Variants in NUP160 observed in about 807,000 individuals in gnomAD.
NUP160 encodes nucleoporin 160, also known as nuclear pore complex protein Nup160.
Under a neutral mutation model 196.9 loss-of-function variants are expected in NUP160, and 94 were observed. The observed-to-expected ratio is 0.48, with a 90% CI of 0.40 to 0.57. The LOEUF is 0.57. NUP160 is among the 20% of genes least tolerant of loss of function. The pLI, the probability that NUP160 is intolerant of heterozygous loss-of-function variation, is 0.00. For synonymous variants in NUP160, 605 were observed against 619.7 expected, an observed-to-expected ratio of 0.98 and a Z score of 0.35; for missense variants, 1,638 against 1,748.3, an observed-to-expected ratio of 0.94 and a Z score of 1.13.
At position 47,784,011 on chromosome 11, in the gene NUP160, A is replaced by AAAAAC. The variant is rs1195063364; in HGVS notation, c.3991-814_3991-813insGTTTT. 2.0e-5 allele frequency among the ~76,000 whole-genome samples: 3 copies of AAAAAC among 151,884 alleles called. No individual in the cohort carries two copies. The South Asian group carries it at 6.2e-4, about 32-fold the overall frequency. On this transcript the variant is annotated intron_variant, in intron 33 of 35. Coordinates refer to ENST00000378460, the Ensembl canonical transcript of NUP160. ...GCCCGGCCTCCTTTCTACCTTAAAA[A>AAAAAC]AAAAACAAAAACAAAAACAAAAAAA...
chr11:47,786,623 A>C, intron 31 of NUP160, 69 bp from the exon 32 acceptor site: 2 of 932,734 alleles, frequency 2.1e-6, no homozygotes, highest in Non-Finnish European at 3.5e-6. Context: ...TGATACTAAA[A>C]CTAGAGAGAT....
At chr11:47,810,914 A>G (rs1336780888) in intron 17 of NUP160, among the ~76,000 whole-genome samples, 1 of 152,164 alleles carries the variant, frequency 6.6e-6, no homozygotes, top group Non-Finnish European at 1.5e-5. Context: ...TTAAAATGGG[A>G]GCCCCAAAGG....
At chr11:47,785,323 G>C (rs748160400) in intron 32 of NUP160, among the ~76,000 whole-genome samples, 1 of 151,886 alleles carries the variant, frequency 6.6e-6, no homozygotes, top group Non-Finnish European at 1.5e-5. Context: ...TAGAGACAAG[G>C]ACTTGCTATG....
intron 10 of NUP160, among the ~76,000 whole-genome samples, chr11:47,818,922 C>T (rs563274130): frequency 4.6e-5 from 7 of 152,244 alleles, no homozygotes; most frequent in Non-Finnish European, 7.4e-5. Context: ...TGCAAATAGT[C>T]ATTGTTTCAG....
At chr11:47,798,975 AAAG>A (rs1338047355) in intron 23 of NUP160, among the ~76,000 whole-genome samples, 1 of 151,966 alleles carries the variant, frequency 6.6e-6, no homozygotes, top group Admixed American at 6.6e-5. Context: ...TTGTTGAATG[AAAG>A]AATAAATACG....
intron 7 of NUP160, among the ~76,000 whole-genome samples, chr11:47,831,537 A>G (rs551480329): frequency 6.6e-6 from 1 of 152,280 alleles, no homozygotes; most frequent in South Asian, 2.1e-4. Context: ...AACAGTGAGA[A>G]AATTATGACA....
rs2097675645 is a variant in NUP160 at position 47,803,545 on chromosome 11, C to A, written c.2677-9G>T. 1 of 1,478,764 alleles carries A rather than the reference C, an allele frequency of 6.8e-7. No homozygotes were observed. The allele number at this position is 1,478,764 out of a possible 1,614,324, so 91.6% of individuals were successfully genotyped here. On this transcript the variant is annotated splice_polypyrimidine_tract_variant and intron_variant, in intron 21 of 35. Coordinates refer to ENST00000378460, the Ensembl canonical transcript of NUP160. ...AGCAGTTGAATATAATCCTTAAAGG[C>A]ATAAAAGGTGCTTTCTGATTAGAAA...
intron 15 of NUP160, 89 bp from the exon 16 acceptor site, chr11:47,812,518 A>G (rs1229637948): frequency 2.4e-6 from 3 of 1,271,988 alleles, no homozygotes; most frequent in African/African-American, 3.0e-5. Context: ...ATTATGAAAC[A>G]AGAGAACCAG....
intron 2 of NUP160, among the ~76,000 whole-genome samples, chr11:47,847,291 C>A (rs969571048): frequency 1.3e-5 from 2 of 152,116 alleles, no homozygotes; most frequent in Non-Finnish European, 2.9e-5. Context: ...TTCCTTAAAG[C>A]CTTTCCCTGC....
Position 47,828,279 on chromosome 11 carries a change from A to ATATACAAAAATCAACTG in NUP160, c.1102-6132_1102-6116dup, listed in dbSNP as rs572374799. Among the ~76,000 whole-genome samples, 308 of 152,362 alleles carry ATATACAAAAATCAACTG rather than the reference A, an allele frequency of 2.0e-3. 2 individuals carry two copies. Among genetic ancestry groups the ATATACAAAAATCAACTG allele is most frequent in the African/African-American group, 7.0e-3 (290 of 41,592 alleles). Reference sequence around the variant, plus strand: ...GCAAAGTTGCAAGATACAATTATGAATATACAAAAATCAACTGTATTTCTA... The same window carrying ATATACAAAAATCAACTG: ...GCAAAGTTGCAAGATACAATTATGAATATACAAAAATCAACTGTATACAAAAATCAACTGTATTTCTA... On this transcript the variant is annotated intron_variant, in intron 7 of 35. Transcript: ENST00000378460.
In NUP160 at chr11:47,782,301, AAAATATATATATATATATATATAT is replaced by A. The variant is rs1367398402; in HGVS notation, c.4116+748_4116+771del. On this transcript the variant is annotated intron_variant, in intron 34 of 35. Transcript: ENST00000378460. ...AGCAAAACTCAGTTAAAAAAAAAAA[AAAATATATATATATATATATATAT>A]ATATATATATATATATATATATATA... is the stretch of plus-strand genomic sequence containing the variant. 1.4e-3 allele frequency among the ~76,000 whole-genome samples: 62 copies of A among 44,972 alleles called. 1 individual carries two copies. Among genetic ancestry groups the A allele is most frequent in the Middle Eastern group, 7.2e-3 (1 of 138 alleles). The allele number at this position is 44,972 out of a possible 152,430, so 29.5% of individuals were successfully genotyped here. A position where few individuals can be genotyped will look rare whatever the true frequency, so the allele number is the denominator to read the frequency against.
At chr11:47,843,359 C>T (rs189002588) in intron 2 of NUP160, among the ~76,000 whole-genome samples, 1 of 152,292 alleles carries the variant, frequency 6.6e-6, no homozygotes, top group African/African-American at 2.4e-5. Context: ...TCTTGCCTGG[C>T]TTAAATGCAA....
At chr11:47,780,860 CTG>C (rs1350989429) in intron 34 of NUP160, among the ~76,000 whole-genome samples, 1 of 152,144 alleles carries the variant, frequency 6.6e-6, no homozygotes, top group Admixed American at 6.6e-5. Context: ...CCACAAGAAA[CTG>C]TGTGTATACA....
chr11:47,812,959 C>T, exon 15 of NUP160: 1 of 1,612,958 alleles, frequency 6.2e-7, no homozygotes, highest in Non-Finnish European at 8.5e-7. Context: ...AACTCATTTC[C>T]ATTATAACTG....
intron 13 of NUP160, 60 bp from the exon 14 acceptor site, chr11:47,813,475 A>T: frequency 9.3e-7 from 1 of 1,076,726 alleles, no homozygotes; most frequent in Non-Finnish European, 1.4e-6. Context: ...GTATAAAATA[A>T]TTGAGATGTG....
At chr11:47,819,380 G>T in exon 10 of NUP160, 1 of 1,605,866 alleles carries the variant, frequency 6.2e-7, no homozygotes, top group Non-Finnish European at 8.5e-7. Flanking sequence ...TTACTCTGGG[G>T]TCTTGATCAT....
intron 34 of NUP160, among the ~76,000 whole-genome samples, chr11:47,782,298 A>AAG (rs2097661488): frequency 1.9e-5 from 1 of 53,308 alleles, no homozygotes; most frequent in African/African-American, 1.1e-4. Flanking sequence ...TTAAAAAAAA[A>AAG]AAAAAATATA....
At chr11:47,840,471 G>C (rs1159100446) in exon 3 of NUP160, 1 of 1,614,132 alleles carries the variant, frequency 6.2e-7, no homozygotes, top group Non-Finnish European at 8.5e-7. Context: ...GAGTCTCAGA[G>C]ACATAAACCC....
chr11:47,837,556 T>C, exon 5 of NUP160: 2 of 1,614,062 alleles, frequency 1.2e-6, no homozygotes, highest in Non-Finnish European at 1.7e-6. Context: ...TGATAGCTGT[T>C]GGCATCCAGC....
Sources: gnomAD v4.1 joint callset for allele counts (sites outside exome capture counted in the v4.1 genomes callset) on GRCh38, gnomAD v4.1.1 for gene constraint, MANE v1.5 for transcripts, NCBI Gene and HGNC (gene_info 2026-07-23, HGNC 2026-07-21) for gene names.